Variants in PACS2 observed in about 807,000 individuals in gnomAD.
The protein encoded by PACS2 is phosphofurin acidic cluster sorting protein 2, also known as PACS1-like protein.
PACS2 carries 36 observed loss-of-function variants against 113.0 expected under a neutral mutation model. The observed-to-expected ratio is 0.32, with a 90% confidence interval of 0.24 to 0.42. The LOEUF (loss-of-function observed/expected upper bound fraction) is 0.42. Ranked by LOEUF, PACS2 falls within the 10% of genes least tolerant of loss-of-function variation. The pLI, the probability that PACS2 is intolerant of heterozygous loss-of-function variation, is 1.00. For missense variants in PACS2, 1,015 were observed against 1,239.5 expected, an observed-to-expected ratio of 0.82 and a Z score of 2.72; for synonymous variants, 589 against 536.1, an observed-to-expected ratio of 1.10 and a Z score of -1.36.
At chr14:105,375,432 C>T (rs782282265) in intron 8 of PACS2, among the ~76,000 whole-genome samples, 2 of 141,070 alleles carry the variant, frequency 1.4e-5, no homozygotes, top group Admixed American at 7.3e-5. Flanking sequence ...GAGCCGAGAT[C>T]GTGCCACTGC....
Position 105,360,311 on chromosome 14 carries a change from G to A in PACS2, c.423+5134G>A, listed in dbSNP as rs146656144. Among the ~76,000 whole-genome samples the A allele has an allele frequency of 7.4e-3, 1,124 of 152,218 alleles. 16 individuals carry two copies. Among genetic ancestry groups the A allele is most frequent in the African/African-American group, 0.026 (1,065 of 41,546 alleles). ...TCCCAGCACTTTGGGAGGCCAAGGCGGGCGTATCACCTGAGGTCAGGTGTT... is the reference window on the plus strand; with the variant it reads ...TCCCAGCACTTTGGGAGGCCAAGGCAGGCGTATCACCTGAGGTCAGGTGTT... On this transcript the variant is annotated intron_variant, in intron 4 of 24. Coordinates refer to ENST00000447393, the MANE Select transcript of PACS2 (RefSeq NM_001100913.3).
At chr14:105,379,391 C>G (rs2080900340) in intron 9 of PACS2, among the ~76,000 whole-genome samples, 1 of 152,236 alleles carries the variant, frequency 6.6e-6, no homozygotes, top group African/African-American at 2.4e-5. Context: ...GCCAGTGGAG[C>G]TCTCCCCAGA....
At position 105,394,751 on chromosome 14, in the gene PACS2, TACAGAG is replaced by T. The variant is rs1156936613; in HGVS notation, c.*85_*90del. 1 of 903,292 alleles carries T rather than the reference TACAGAG, an allele frequency of 1.1e-6. No homozygotes were observed. The highest frequency in any genetic ancestry group is 1.6e-5 in the African/African-American group (1 of 61,388). The allele number at this position is 903,292 out of a possible 1,614,324, so 56.0% of individuals were successfully genotyped here. A position where few individuals can be genotyped will look rare whatever the true frequency, so the allele number is the denominator to read the frequency against. On this transcript the variant is annotated 3_prime_UTR_variant, in exon 25 of 25. Transcript: ENST00000447393. ...CATTTCTGTTAACATTTCAGTTTAC[TACAGAG>T]ACAGACGCTTAAAACACAAAGAGAA...
At chr14:105,364,416 CGGT>C (rs1230743671) in intron 4 of PACS2, among the ~76,000 whole-genome samples, 4,841 of 101,756 alleles carry the variant, frequency 0.048, 571 homozygotes, top group African/African-American at 0.21. Context: ...GCGCGGTGGG[CGGT>C]GTCCCGGGTG....
chr14:105,384,514 C>G (rs116529101), intron 17 of PACS2, 51 bp downstream of exon 17: 1 of 1,189,338 alleles, frequency 8.4e-7, no homozygotes. Context: ...GGAAGGGGCC[C>G]CGGTTTCCCC....
upstream of PACS2, chr14:105,314,713 G>A (rs2058483179): frequency 7.0e-6 from 1 of 143,420 alleles, no homozygotes; most frequent in Non-Finnish European, 1.5e-5. Flanking sequence ...CGCGGGGCGC[G>A]GGCGGGGCGC....
intron 1 of PACS2, among the ~76,000 whole-genome samples, chr14:105,316,195 C>G (rs774249772): frequency 3.8e-4 from 58 of 152,330 alleles, no homozygotes; most frequent in Non-Finnish European, 5.9e-4. Flanking sequence ...CGGCACGACT[C>G]TTGCACCTGG....
intron 1 of PACS2, among the ~76,000 whole-genome samples, chr14:105,335,772 T>C (rs2059492224): frequency 6.6e-6 from 1 of 152,206 alleles, no homozygotes; most frequent in Non-Finnish European, 1.5e-5. Context: ...CATGTCCAGA[T>C]AAGGCTGTAC....
Position 105,367,202 on chromosome 14 carries a change from CT to C in PACS2, c.424-10del. 1.9e-6 allele frequency: 3 copies of C among 1,612,110 alleles called. No homozygotes were observed. The South Asian group carries it at 3.3e-5, about 18-fold the overall frequency. The stretch of plus-strand genomic sequence containing the variant: ...CGTGCTGCTTTCTAGAACCGTGCCC[CT>C]GGCCTGCAGGTGATGCAACACCCGT... On this transcript the variant is annotated splice_polypyrimidine_tract_variant and intron_variant, in intron 4 of 24. Transcript: ENST00000447393.
chr14:105,349,795 A>G (rs892064046), intron 2 of PACS2, among the ~76,000 whole-genome samples: 4 of 152,100 alleles, frequency 2.6e-5, no homozygotes, highest in African/African-American at 9.7e-5. Flanking sequence ...AGGAACTTCC[A>G]GGAGCGTGTG....
intron 1 of PACS2, among the ~76,000 whole-genome samples, chr14:105,307,019 G>C (rs1345298343): frequency 6.6e-6 from 1 of 151,920 alleles, no homozygotes. Flanking sequence ...TTGCCTCTGA[G>C]TATGCCTTAT....
chr14:105,343,209 CT>C (rs2059799620), intron 1 of PACS2, among the ~76,000 whole-genome samples: 1 of 152,236 alleles, frequency 6.6e-6, no homozygotes. Context: ...CAGATCCATC[CT>C]ATCACGTATC....
chr14:105,372,632 G>A, intron 8 of PACS2: 1 of 152,230 alleles, frequency 6.6e-6, no homozygotes, highest in Admixed American at 6.5e-5. Context: ...AGATGGCCAG[G>A]TGCGGTGGCT....
upstream of PACS2, among the ~76,000 whole-genome samples, chr14:105,313,490 G>A (rs1440648073): frequency 6.6e-6 from 1 of 152,236 alleles, no homozygotes; most frequent in African/African-American, 2.4e-5. Flanking sequence ...TGTTCTCTCC[G>A]AAGTGGGACC....
Position 105,340,256 on chromosome 14 carries a change from G to A in PACS2, c.120-8237G>A, listed in dbSNP as rs1275272251. Reference sequence around the variant, plus strand: ...TCTGTGGGGAAAGGATATACTTCTGGGTAAATGGTTTGGTGATAACTGAAC... The same window carrying A: ...TCTGTGGGGAAAGGATATACTTCTGAGTAAATGGTTTGGTGATAACTGAAC... On this transcript the variant is annotated intron_variant, in intron 1 of 24. Transcript: ENST00000447393. This position sits in a 1 kb window ranked among gnomAD's most constrained non-coding sequence, Gnocchi z 4.2. Among the ~76,000 whole-genome samples the A allele has an allele frequency of 1.3e-5, 2 of 152,128 alleles. No homozygotes were observed. The highest frequency in any genetic ancestry group is 2.9e-5 in the Non-Finnish European group (2 of 68,038).
chr14:105,323,458 C>T lies in PACS2; in HGVS notation c.119+8421C>T, dbSNP rs375906796. ...GCTGCCAGCCTGCACGAGACTCTCA[C>T]GGCGGGACCCTGTCTGCCTTGCTCG... On this transcript the variant is annotated intron_variant, in intron 1 of 24. Coordinates refer to ENST00000447393, the MANE Select transcript of PACS2 (RefSeq NM_001100913.3). This position sits in a 1 kb window ranked among gnomAD's most constrained non-coding sequence, Gnocchi z 4.1. Among the ~76,000 whole-genome samples the T allele has an allele frequency of 2.8e-4, 42 of 152,354 alleles. 1 individual carries two copies. In the East Asian group the frequency reaches 7.3e-3, roughly 27 times the overall value.
chr14:105,345,846 G>A (rs2059900950), intron 1 of PACS2, among the ~76,000 whole-genome samples: 1 of 152,190 alleles, frequency 6.6e-6, no homozygotes, highest in African/African-American at 2.4e-5. Context: ...GAGTCTGTGG[G>A]AATCCGGGCA....
chr14:105,314,183 G>C (rs2140731204), upstream of PACS2, among the ~76,000 whole-genome samples: 1 of 152,278 alleles, frequency 6.6e-6, no homozygotes, highest in African/African-American at 2.4e-5. Flanking sequence ...CCACGCAGGG[G>C]GGCGCGAGGG....
chr14:105,310,346 C>T (rs587620768), upstream of PACS2, among the ~76,000 whole-genome samples: 331 of 151,214 alleles, frequency 2.2e-3, 2 homozygotes, highest in African/African-American at 7.5e-3. Flanking sequence ...CTGGCTAACA[C>T]GGTGAAACCC....
Sources: allele counts gnomAD v4.1 joint callset (sites outside exome capture counted in the v4.1 genomes callset), GRCh38; gene constraint gnomAD v4.1.1; non-coding constraint Gnocchi (gnomAD v3.1); transcripts MANE v1.5; gene names NCBI Gene and HGNC (gene_info 2026-07-23, HGNC 2026-07-21).